The following OCIAD1 variants were observed in gnomAD, a reference collection of about 807,000 sequenced individuals.
The protein encoded by OCIAD1 is OCIA domain containing 1, also known as OCIA domain-containing protein 1.
In OCIAD1, 29 loss-of-function variants were observed where a neutral mutation model predicts 38.9. That is an observed-to-expected ratio of 0.74 (90% CI 0.55 to 1.02). OCIAD1 has a LOEUF of 1.02. Among genes scored for constraint, OCIAD1 ranks in the 50% least tolerant of loss-of-function variants. The pLI is 0.00. For missense variants in OCIAD1, 288 were observed against 289.6 expected (o/e 0.99, Z 0.04); for synonymous variants, 110 against 92.0 (o/e 1.20, Z -1.12).
At chr4:48,855,687 A>C (rs931921034) in intron 7 of OCIAD1, among the ~76,000 whole-genome samples, 1 of 152,106 alleles carries the variant, frequency 6.6e-6, no homozygotes, top group Admixed American at 6.6e-5. Flanking sequence ...ATAGTGGCAC[A>C]TGCCTATAAT....
upstream of OCIAD1, among the ~76,000 whole-genome samples, chr4:48,828,998 T>A (rs1777282375): frequency 6.6e-6 from 1 of 152,212 alleles, no homozygotes; most frequent in African/African-American, 2.4e-5. Flanking sequence ...CAGTGGCTCA[T>A]GCCTATAACC....
upstream of OCIAD1, among the ~76,000 whole-genome samples, chr4:48,828,403 A>G (rs760168759): frequency 6.6e-6 from 1 of 152,184 alleles, no homozygotes; most frequent in Non-Finnish European, 1.5e-5. Flanking sequence ...GGGGCCAGAT[A>G]AGGGAATAAA....
chr4:48,812,725 A>G (rs1777102901), intron 1 of OCIAD1, among the ~76,000 whole-genome samples: 1 of 152,236 alleles, frequency 6.6e-6, no homozygotes, highest in South Asian at 2.1e-4. Flanking sequence ...GAGGAATTGG[A>G]CACAGGAAGT....
Position 48,860,982 on chromosome 4 carries a change from G to T in OCIAD1, c.*220G>T. ...CACCTTAGGGATTCATTTGAATGAT[G>T]GTATTATACCATGATTGTATACAGT... On this transcript the variant is annotated 3_prime_UTR_variant, in exon 9 of 9. Transcript: ENST00000264312. 3 of 513,090 alleles carry T rather than the reference G, an allele frequency of 5.8e-6. No individual in the cohort carries two copies. The highest frequency in any genetic ancestry group is 3.1e-5 in the South Asian group (1 of 32,362). The allele number at this position is 513,090 out of a possible 1,614,324, so 31.8% of individuals were successfully genotyped here.
intron 1 of OCIAD1, among the ~76,000 whole-genome samples, chr4:48,817,576 G>T (rs567144936): frequency 6.6e-6 from 1 of 152,336 alleles, no homozygotes; most frequent in Non-Finnish European, 1.5e-5. Flanking sequence ...CAGTGAGACA[G>T]AATTGTTTAC....
intron 1 of OCIAD1, among the ~76,000 whole-genome samples, chr4:48,821,430 G>A (rs979187624): frequency 1.2e-4 from 18 of 152,076 alleles, no homozygotes; most frequent in African/African-American, 3.4e-4. Flanking sequence ...TATGACAAAC[G>A]CATAGCCAAT....
At chr4:48,805,407 TG>T (rs1435286064) in intron 1 of OCIAD1, 1 of 152,236 alleles carries the variant, frequency 6.6e-6, no homozygotes, top group Non-Finnish European at 1.5e-5. Context: ...AGATAATAAA[TG>T]TATGTTGTTT....
chr4:48,837,272 T>G (rs1277916241), intron 3 of OCIAD1: 1 of 151,226 alleles, frequency 6.6e-6, no homozygotes, highest in Non-Finnish European at 1.5e-5. Flanking sequence ...CGTTTTTTTT[T>G]TTTTGTTTTT....
chr4:48,837,136 T>A (rs763806757), intron 3 of OCIAD1: 1 of 151,724 alleles, frequency 6.6e-6, no homozygotes, highest in South Asian at 2.1e-4. Context: ...CATACCTGGC[T>A]ATTTTTTTTT....
intron 4 of OCIAD1, among the ~76,000 whole-genome samples, chr4:48,846,094 A>G (rs1778957744): frequency 6.6e-6 from 1 of 152,238 alleles, no homozygotes; most frequent in Admixed American, 6.5e-5. Context: ...ATGAGAGTAA[A>G]GAGTGTGTCC....
chr4:48,831,879 T>C (rs1406263599), intron 1 of OCIAD1, among the ~76,000 whole-genome samples: 1 of 152,210 alleles, frequency 6.6e-6, no homozygotes, highest in East Asian at 1.9e-4. Context: ...CCTGTTTCCA[T>C]GCAAATTGTT....
At chr4:48,812,292 AAAAAAAAAAAAAAAAAAAAAAAAAG>A (rs1462506724) in intron 1 of OCIAD1, among the ~76,000 whole-genome samples, 1 of 139,138 alleles carries the variant, frequency 7.2e-6, no homozygotes, top group African/African-American at 2.6e-5. Context: ...CAAAAAAAAA[AAAAAAAAAAAAAAAAAAAAAAAAAG>A]AAAAGAAAAA....
At chr4:48,819,788 C>T (rs1332325686) in intron 1 of OCIAD1, among the ~76,000 whole-genome samples, 1 of 118,866 alleles carries the variant, frequency 8.4e-6, no homozygotes, top group Non-Finnish European at 1.8e-5. Flanking sequence ...GACTTTAAAC[C>T]AACAAAGATA....
rs1778631498 is a variant in OCIAD1, at chr4:48,842,539, A to G, written c.140-97A>G. 11 of 760,002 alleles carry G rather than the reference A, an allele frequency of 1.4e-5. 1 individual carries two copies. Among genetic ancestry groups the G allele is most frequent in the South Asian group, 8.0e-5 (5 of 62,892 alleles). 47.1% of individuals were successfully genotyped at this position (760,002 alleles called of 1,614,324 possible). A position where few individuals can be genotyped will look rare whatever the true frequency, so the allele number is the denominator to read the frequency against. The stretch of plus-strand genomic sequence containing the variant: ...TTAAAGGTCTTAGTTATGCAATATA[A>G]TTCCTAGATGGTTTTACTGCTATTC... On this transcript the variant is annotated intron_variant, in intron 3 of 8. Coordinates refer to ENST00000264312, the MANE Select transcript of OCIAD1 (RefSeq NM_017830.4).
At chr4:48,823,523 G>A (rs1046567960) in intron 1 of OCIAD1, among the ~76,000 whole-genome samples, 2 of 151,338 alleles carry the variant, frequency 1.3e-5, no homozygotes, top group Non-Finnish European at 1.5e-5. Context: ...TAACACACCT[G>A]CAGGTTCTCC....
chr4:48,850,843 G>A (rs1242156995), intron 6 of OCIAD1, among the ~76,000 whole-genome samples: 1 of 152,172 alleles, frequency 6.6e-6, no homozygotes, highest in African/African-American at 2.4e-5. Context: ...CCAAAGTGCT[G>A]GGATTACAGG....
chr4:48,860,865 A>AT lies in OCIAD1; in HGVS notation c.*106dup, dbSNP rs747387887. 1.2e-4 allele frequency: 100 copies of AT among 830,018 alleles called. 1 individual carries two copies. Among genetic ancestry groups the AT allele is most frequent in the South Asian group, 3.4e-4 (23 of 67,422 alleles). 51.4% of individuals were successfully genotyped at this position (830,018 alleles called of 1,614,324 possible). A position where few individuals can be genotyped will look rare whatever the true frequency, so the allele number is the denominator to read the frequency against. The stretch of plus-strand genomic sequence containing the variant: ...GCTCAGCAGCAGTCTTCATAAACAC[A>AT]TTTAAAACAAGATCCTGGGTTTTTG... On this transcript the variant is annotated 3_prime_UTR_variant, in exon 9 of 9. Coordinates refer to ENST00000264312, the MANE Select transcript of OCIAD1 (RefSeq NM_017830.4).
At chr4:48,822,812 G>C (rs569264415) in intron 1 of OCIAD1, among the ~76,000 whole-genome samples, 4 of 152,228 alleles carry the variant, frequency 2.6e-5, no homozygotes, top group Non-Finnish European at 4.4e-5. Flanking sequence ...CTGGTCATTA[G>C]AGAAATGCAA....
intron 1 of OCIAD1, among the ~76,000 whole-genome samples, chr4:48,819,634 G>A (rs967778753): frequency 7.0e-5 from 10 of 142,160 alleles, no homozygotes; most frequent in African/African-American, 2.6e-4. Flanking sequence ...ACCCCTCAGT[G>A]TGCTATATTG....
Sources: gnomAD v4.1 joint callset for allele counts (sites outside exome capture counted in the v4.1 genomes callset) on GRCh38, gnomAD v4.1.1 for gene constraint, MANE v1.5 for transcripts, NCBI Gene and HGNC (gene_info 2026-07-23, HGNC 2026-07-21) for gene names.